GPR176: variants seen among roughly 807,000 people sequenced by gnomAD.
GPR176 encodes G protein-coupled receptor 176.
Under a neutral mutation model 35.4 loss-of-function variants are expected in GPR176, and 26 were observed. That is an observed-to-expected ratio of 0.74 (90% CI 0.54 to 1.02). The LOEUF is 1.02. GPR176 is among the 50% of genes least tolerant of loss of function. The probability of loss-of-function intolerance (pLI) is 0.00; values close to 1 mark genes in which losing one functional copy is unlikely to be tolerated. For synonymous variants in GPR176, 278 were observed against 271.3 expected (o/e 1.02, Z -0.24); for missense variants, 597 against 665.3 (o/e 0.90, Z 1.13).
chr15:39,805,221 G>A (rs767621635), intron 2 of GPR176, among the ~76,000 whole-genome samples: 5 of 151,992 alleles, frequency 3.3e-5, no homozygotes, highest in Admixed American at 6.6e-5. Context: ...TGTACCCACC[G>A]GAAGTACTCT....
intron 1 of GPR176, among the ~76,000 whole-genome samples, chr15:39,882,896 T>G (rs11633436): frequency 1.3e-5 from 2 of 151,982 alleles, no homozygotes; most frequent in African/African-American, 4.8e-5. Flanking sequence ...ACACAGATAA[T>G]GTCAGGAAGG....
At chr15:39,816,346 A>G (rs1002918089) in intron 1 of GPR176, among the ~76,000 whole-genome samples, 6 of 152,206 alleles carry the variant, frequency 3.9e-5, no homozygotes, top group Non-Finnish European at 8.8e-5. Context: ...GCCACTCCAC[A>G]TTATACACCT....
chr15:39,888,883 C>T (rs1203759218), intron 1 of GPR176, among the ~76,000 whole-genome samples: 1 of 152,186 alleles, frequency 6.6e-6, no homozygotes, highest in Non-Finnish European at 1.5e-5. Context: ...GTCACCTCCT[C>T]TGGGTTAGTT....
At chr15:39,805,768 G>C (rs746273954) in intron 2 of GPR176, among the ~76,000 whole-genome samples, 2 of 152,254 alleles carry the variant, frequency 1.3e-5, no homozygotes, top group Non-Finnish European at 2.9e-5. Flanking sequence ...CTGAGAAAGA[G>C]AGGCAAATAT....
At chr15:39,915,478 TA>T (rs1203458773) in intron 1 of GPR176, among the ~76,000 whole-genome samples, 3 of 152,168 alleles carry the variant, frequency 2.0e-5, no homozygotes, top group Non-Finnish European at 2.9e-5. Context: ...AGGGGGAATA[TA>T]AACATTCAGT....
rs1032670390 is a variant in GPR176 at position 39,896,311 on chromosome 15, G to T, written c.172+23544C>A. ...TTCCTAGACTAGTCTCAAATTCCTG[G>T]CCTCAAGCCATCATCCTGCCTCAGC... On this transcript the variant is annotated intron_variant, in intron 1 of 2. Transcript: ENST00000561100. 1.6e-4 allele frequency among the ~76,000 whole-genome samples: 25 copies of T among 152,266 alleles called. 1 individual carries two copies. The highest frequency in any genetic ancestry group is 1.3e-4 in the Admixed American group (2 of 15,296).
intron 1 of GPR176, among the ~76,000 whole-genome samples, chr15:39,910,808 CA>C (rs1389764662): frequency 6.6e-6 from 1 of 152,080 alleles, no homozygotes; most frequent in African/African-American, 2.4e-5. Context: ...GAGGCCAAGG[CA>C]GACGGATCAC....
intron 1 of GPR176, among the ~76,000 whole-genome samples, chr15:39,874,694 T>C (rs1194904077): frequency 6.6e-6 from 1 of 152,184 alleles, no homozygotes; most frequent in African/African-American, 2.4e-5. Context: ...CTTATTATCA[T>C]TGCTTTCCAT....
intron 1 of GPR176, among the ~76,000 whole-genome samples, chr15:39,890,171 T>C (rs2140857904): frequency 6.6e-6 from 1 of 152,290 alleles, no homozygotes; most frequent in African/African-American, 2.4e-5. Context: ...AGAGAGAGCC[T>C]GATGTTAAAC....
chr15:39,889,379 C>G (rs2032782919), intron 1 of GPR176, among the ~76,000 whole-genome samples: 1 of 151,886 alleles, frequency 6.6e-6, no homozygotes, highest in Non-Finnish European at 1.5e-5. Flanking sequence ...GAAACTTCAT[C>G]TCTACTAAAA....
intron 1 of GPR176, among the ~76,000 whole-genome samples, chr15:39,831,870 C>T (rs1901095675): frequency 1.3e-5 from 2 of 152,016 alleles, no homozygotes; most frequent in Admixed American, 6.6e-5. Context: ...ACTTTATATC[C>T]GTCATTGACT....
At chr15:39,850,423 C>T (rs562505954) in intron 1 of GPR176, among the ~76,000 whole-genome samples, 1 of 152,302 alleles carries the variant, frequency 6.6e-6, no homozygotes, top group Non-Finnish European at 1.5e-5. Flanking sequence ...CAAGGATATC[C>T]ATTACCAATA....
chr15:39,899,710 C>G (rs1026336410), intron 1 of GPR176, among the ~76,000 whole-genome samples: 1 of 152,208 alleles, frequency 6.6e-6, no homozygotes, highest in Non-Finnish European at 1.5e-5. Flanking sequence ...TATTTTCTTA[C>G]ATCAATAAGC....
At chr15:39,851,648 A>G (rs1419693292) in intron 1 of GPR176, among the ~76,000 whole-genome samples, 1 of 152,228 alleles carries the variant, frequency 6.6e-6, no homozygotes, top group East Asian at 1.9e-4. Flanking sequence ...ATCCATTAAC[A>G]TCAACTCTTG....
chr15:39,919,229 C>A (rs1281608905), intron 1 of GPR176, among the ~76,000 whole-genome samples: 3 of 151,968 alleles, frequency 2.0e-5, no homozygotes, highest in African/African-American at 7.3e-5. Flanking sequence ...TTTTATCCTA[C>A]CTTTATTCTG....
chr15:39,888,380 G>A (rs56393971), intron 1 of GPR176, among the ~76,000 whole-genome samples: 2 of 151,962 alleles, frequency 1.3e-5, no homozygotes, highest in Non-Finnish European at 2.9e-5. Flanking sequence ...TAAACTCCTG[G>A]GCTCAAGCAA....
At chr15:39,852,243 A>G (rs567843530) in intron 1 of GPR176, among the ~76,000 whole-genome samples, 1 of 152,244 alleles carries the variant, frequency 6.6e-6, no homozygotes, top group South Asian at 2.1e-4. Context: ...CACCTACACT[A>G]CCACTCCCTC....
At position 39,801,274 on chromosome 15, in the gene GPR176, C is replaced by T. The variant is rs543543936; in HGVS notation, c.1406G>A (p.Arg469Gln). 26 of 1,614,172 alleles carry T rather than the reference C, an allele frequency of 1.6e-5. No homozygotes were observed. Among genetic ancestry groups the T allele is most frequent in the South Asian group, 1.2e-4 (11 of 91,086 alleles). ...ELPPQWLSET[R>Q]NSKKRLLPPL... ...GGGAAGCAGCCGCTTCTTGCTGTTT[C>T]GGGTCTCTGAGAGCCACTGAGGAGG... Residue 469 changes from arginine (R) to glutamine (Q), a missense_variant, in exon 3 of 3, where the codon CGA becomes CAA. Arg to Gln is a conservative substitution (Grantham distance 43). Transcript: ENST00000561100.
chr15:39,886,939 G>C (rs1391760684), intron 1 of GPR176, among the ~76,000 whole-genome samples: 3 of 152,164 alleles, frequency 2.0e-5, no homozygotes, highest in Non-Finnish European at 2.9e-5. Context: ...CCAGCATCAA[G>C]CAGTCTGCAT....
Sources: gnomAD v4.1 joint callset for allele counts (sites outside exome capture counted in the v4.1 genomes callset) on GRCh38, gnomAD v4.1.1 for gene constraint, MANE v1.5 for transcripts, NCBI Gene and HGNC (gene_info 2026-07-23, HGNC 2026-07-21) for gene names.